Variants in TECPR2 observed in about 807,000 individuals in gnomAD.
The protein encoded by TECPR2 is tectonin beta-propeller repeat-containing protein 2.
In TECPR2, 65 loss-of-function variants were observed where a neutral mutation model predicts 138.1. The observed-to-expected ratio is 0.47, with a 90% CI of 0.39 to 0.58. TECPR2 has a LOEUF of 0.58. TECPR2 is among the 20% of genes least tolerant of loss of function. The pLI, the probability that TECPR2 is intolerant of heterozygous loss-of-function variation, is 0.00. For synonymous variants in TECPR2, 746 were observed against 749.8 expected, an observed-to-expected ratio of 0.99 and a Z score of 0.08; for missense variants, 1,553 against 1,824.5, an observed-to-expected ratio of 0.85 and a Z score of 2.71.
chr14:102,371,365 T>C (rs1162384866), intron 1 of TECPR2, among the ~76,000 whole-genome samples: 4 of 152,222 alleles, frequency 2.6e-5, no homozygotes, highest in African/African-American at 9.6e-5. Context: ...CCTCAGCCCG[T>C]CCTAGACACT....
chr14:102,373,405 T>C (rs1022216877), intron 1 of TECPR2, among the ~76,000 whole-genome samples: 3 of 152,208 alleles, frequency 2.0e-5, no homozygotes, highest in Non-Finnish European at 4.4e-5. Flanking sequence ...ATAAATTACA[T>C]GAGATATGCA....
chr14:102,431,749 G>T, intron 7 of TECPR2, 47 bp from the exon 8 acceptor site: 1 of 1,503,866 alleles, frequency 6.6e-7, no homozygotes. Context: ...GTGCACATCA[G>T]CTCTCTCTTG....
At chr14:102,408,758 CT>C in intron 4 of TECPR2, 139 bp downstream of exon 4, 1 of 975,886 alleles carries the variant, frequency 1.0e-6, no homozygotes, top group Non-Finnish European at 1.4e-6. Flanking sequence ...GTAACATTTA[CT>C]TTTATAGACT....
At chr14:102,474,584 A>T (rs1327846253) in intron 17 of TECPR2, among the ~76,000 whole-genome samples, 1 of 152,228 alleles carries the variant, frequency 6.6e-6, no homozygotes, top group Non-Finnish European at 1.5e-5. Context: ...AGATCGCGCC[A>T]TTGCACTCTA....
intron 16 of TECPR2, among the ~76,000 whole-genome samples, chr14:102,454,163 A>T (rs1890220304): frequency 1.3e-5 from 2 of 151,848 alleles, no homozygotes; most frequent in African/African-American, 4.8e-5. Flanking sequence ...CAAAAGAAAA[A>T]AAAAAAAAAG....
chr14:102,377,046 G>A lies in TECPR2; in HGVS notation c.219+106G>A, dbSNP rs115972125. ...ATTTACTTCTGATTTGCCAGAATAT[G>A]GCCTTAATACCTCACCCAAACAATA... On this transcript the variant is annotated intron_variant, in intron 2 of 19. Coordinates refer to ENST00000359520, the MANE Select transcript of TECPR2 (RefSeq NM_014844.5). 4.2e-4 allele frequency: 493 copies of A among 1,167,146 alleles called. 2 individuals carry two copies. The African/African-American group carries it at 6.9e-3, about 16-fold the overall frequency. 72.3% of individuals were successfully genotyped at this position (1,167,146 alleles called of 1,614,324 possible). A position where few individuals can be genotyped will look rare whatever the true frequency, so the allele number is the denominator to read the frequency against.
chr14:102,390,903 A>G (rs562770739), intron 2 of TECPR2, among the ~76,000 whole-genome samples: 1 of 151,972 alleles, frequency 6.6e-6, no homozygotes, highest in African/African-American at 2.4e-5. Flanking sequence ...TTAAACTTCA[A>G]TTTCTTGTAT....
chr14:102,457,635 C>T (rs1890306756), intron 16 of TECPR2, among the ~76,000 whole-genome samples: 1 of 152,068 alleles, frequency 6.6e-6, no homozygotes, highest in Non-Finnish European at 1.5e-5. Flanking sequence ...TGGCTTACAC[C>T]TGTAATCCTA....
intron 17 of TECPR2, chr14:102,465,507 C>A: frequency 7.8e-7 from 1 of 1,279,984 alleles, no homozygotes; most frequent in Non-Finnish European, 9.8e-7. Flanking sequence ...GATTATGAGT[C>A]AACACGTATA....
At chr14:102,397,361 GA>G (rs113151092) in intron 2 of TECPR2, among the ~76,000 whole-genome samples, 34 of 146,502 alleles carry the variant, frequency 2.3e-4, no homozygotes, top group South Asian at 1.3e-3. Context: ...CTCTTCCAAG[GA>G]AAAAAAAAAC....
intron 2 of TECPR2, 97 bp downstream of exon 2, chr14:102,377,037 C>T: frequency 7.7e-7 from 1 of 1,297,244 alleles, no homozygotes; most frequent in South Asian, 1.3e-5. Context: ...TTCTGATTTG[C>T]CAGAATATGG....
intron 2 of TECPR2, among the ~76,000 whole-genome samples, chr14:102,380,275 A>C (rs890745889): frequency 6.6e-6 from 1 of 152,258 alleles, no homozygotes; most frequent in African/African-American, 2.4e-5. Context: ...AATCTTAAAA[A>C]TAGCCAGAGA....
intron 2 of TECPR2, among the ~76,000 whole-genome samples, chr14:102,386,481 A>G (rs896376673): frequency 1.3e-5 from 2 of 152,166 alleles, no homozygotes; most frequent in Non-Finnish European, 2.9e-5. Flanking sequence ...AAAATAAAAT[A>G]AAGTGAAAAT....
intron 1 of TECPR2, among the ~76,000 whole-genome samples, chr14:102,372,189 G>GATCT (rs1887523122): frequency 6.6e-6 from 1 of 151,948 alleles, no homozygotes. Context: ...GGCCTCAAGT[G>GATCT]ATCTACCCAC....
intron 17 of TECPR2, among the ~76,000 whole-genome samples, chr14:102,488,951 G>A (rs1891099111): frequency 6.6e-6 from 1 of 150,690 alleles, no homozygotes; most frequent in Non-Finnish European, 1.5e-5. Flanking sequence ...GCACAATCTG[G>A]GCTCACTGCA....
At chr14:102,433,183 C>CT (rs527522602) in intron 8 of TECPR2, among the ~76,000 whole-genome samples, 45 of 143,800 alleles carry the variant, frequency 3.1e-4, no homozygotes, top group Admixed American at 4.2e-4. Flanking sequence ...GAATTTTTTT[C>CT]TTTTTTTTTT....
In TECPR2 at chr14:102,462,453, G is replaced by A. The variant is rs553332995; in HGVS notation, c.3641-2688G>A. On this transcript the variant is annotated intron_variant, in intron 16 of 19. Coordinates refer to ENST00000359520, the MANE Select transcript of TECPR2 (RefSeq NM_014844.5). The stretch of plus-strand genomic sequence containing the variant: ...TTGTCATCTTTAGAAAATGCAAAGA[G>A]GAATAATGATAATTTTTTGTGTAGC... Among the ~76,000 whole-genome samples the A allele has an allele frequency of 3.3e-5, 5 of 152,304 alleles. No individual in the cohort carries two copies. The South Asian group carries it at 1.0e-3, about 32-fold the overall frequency.
chr14:102,487,851 T>C lies in TECPR2; in HGVS notation c.3790-9128T>C, dbSNP rs561137394. ...CCACCACGCCCGGCCTGTTTGTTTT[T>C]TTTTTTTGATACGGAGTTTCACTCT... is the stretch of plus-strand genomic sequence containing the variant. On this transcript the variant is annotated intron_variant, in intron 17 of 19. Transcript: ENST00000359520. Among the ~76,000 whole-genome samples the C allele has an allele frequency of 6.7e-4, 101 of 150,584 alleles. 4 individuals are homozygous for C. In the East Asian group the frequency reaches 0.016, roughly 24 times the overall value.
At position 102,431,956 on chromosome 14, in the gene TECPR2, C is replaced by T; in HGVS notation, c.1245C>T (p.Ser415=). ...EPRSRSSSLN[S]TDSGSGLLPP... is the part of the protein sequence containing the mutation. Reference sequence around the variant, plus strand: ...GGAGCAGGAGCAGCTCGCTCAACTCCACCGACAGCGGCTCCGGGCTCCTGC... The same window carrying T: ...GGAGCAGGAGCAGCTCGCTCAACTCTACCGACAGCGGCTCCGGGCTCCTGC... Residue 415 remains serine (S), a synonymous_variant, in exon 8 of 20, where the codon TCC becomes TCT. Transcript: ENST00000359520. 1 of 1,613,044 alleles carries T rather than the reference C, an allele frequency of 6.2e-7. No homozygotes were observed. Among genetic ancestry groups the T allele is most frequent in the Non-Finnish European group, 8.5e-7 (1 of 1,179,730 alleles).
Sources: gnomAD v4.1 joint callset for allele counts (sites outside exome capture counted in the v4.1 genomes callset) on GRCh38, gnomAD v4.1.1 for gene constraint, MANE v1.5 for transcripts, NCBI Gene and HGNC (gene_info 2026-07-23, HGNC 2026-07-21) for gene names.